Variants in ST8SIA4 observed in about 807,000 individuals in gnomAD.
ST8SIA4 encodes the protein ST8 alpha-N-acetyl-neuraminide alpha-2,8-sialyltransferase 4, also known as CMP-N-acetylneuraminate-poly-alpha-2,8-sialyltransferase.
In ST8SIA4, 15 loss-of-function variants were observed where a neutral mutation model predicts 33.9. That is an observed-to-expected ratio of 0.44 (90% CI 0.30 to 0.68). The LOEUF (loss-of-function observed/expected upper bound fraction) is 0.68. ST8SIA4 is among the 30% of genes least tolerant of loss of function. The pLI is 0.10. For synonymous variants in ST8SIA4, 171 were observed against 151.2 expected, an observed-to-expected ratio of 1.13 and a Z score of -0.96; for missense variants, 321 against 428.0, an observed-to-expected ratio of 0.75 and a Z score of 2.21.
intron 3 of ST8SIA4, among the ~76,000 whole-genome samples, chr5:100,883,297 A>C (rs944386584): frequency 1.2e-4 from 18 of 152,290 alleles, no homozygotes; most frequent in Non-Finnish European, 2.4e-4. Flanking sequence ...TTAGACTAGC[A>C]CAGGCCCTGT....
Position 100,903,034 on chromosome 5 carries a change from G to C in ST8SIA4, c.-79C>G. On this transcript the variant is annotated 5_prime_UTR_variant, in exon 1 of 5. Transcript: ENST00000231461. ...ATAAAGGCTCCGTTTTGGGGAGATA[G>C]TCGCGGGGGTGAAATCTGTAAAATG... The C allele has an allele frequency of 1.0e-6, 1 of 1,003,262 alleles. No homozygotes were observed. Among genetic ancestry groups the C allele is most frequent in the Non-Finnish European group, 1.6e-6 (1 of 638,626 alleles). 62.1% of individuals were successfully genotyped at this position (1,003,262 alleles called of 1,614,324 possible).
chr5:100,821,673 T>A (rs990272951), intron 4 of ST8SIA4, among the ~76,000 whole-genome samples: 1 of 152,138 alleles, frequency 6.6e-6, no homozygotes, highest in African/African-American at 2.4e-5. Flanking sequence ...GCTATCAAAG[T>A]ACACTAACTA....
chr5:100,835,414 A>T (rs1436157886), intron 4 of ST8SIA4, among the ~76,000 whole-genome samples: 1 of 152,166 alleles, frequency 6.6e-6, no homozygotes, highest in African/African-American at 2.4e-5. Flanking sequence ...CTAAATTTTT[A>T]AAAATCTTTT....
intron 3 of ST8SIA4, among the ~76,000 whole-genome samples, chr5:100,865,919 A>G (rs938061044): frequency 6.6e-6 from 1 of 152,150 alleles, no homozygotes; most frequent in African/African-American, 2.4e-5. Context: ...TCATCCATGC[A>G]CATTTACTAA....
Position 100,896,598 on chromosome 5 carries a change from A to AC in ST8SIA4, c.114-814dup, listed in dbSNP as rs539374629. On this transcript the variant is annotated intron_variant, in intron 1 of 4. Coordinates refer to ENST00000231461, the MANE Select transcript of ST8SIA4 (RefSeq NM_005668.6). ...TAAATGTTCACACTACAAAGAAGTGACATGCTTTTGAGGTGATGGATATGC... is the reference window on the plus strand; with the variant it reads ...TAAATGTTCACACTACAAAGAAGTGACCATGCTTTTGAGGTGATGGATATGC... Among the ~76,000 whole-genome samples, 12 of 152,282 alleles carry AC rather than the reference A, an allele frequency of 7.9e-5. No individual in the cohort carries two copies. In the East Asian group the frequency reaches 2.1e-3, roughly 27 times the overall value.
In ST8SIA4 at chr5:100,811,208, A is replaced by T. The variant is rs1020033208; in HGVS notation, c.*639T>A. On this transcript the variant is annotated 3_prime_UTR_variant, in exon 5 of 5. Transcript: ENST00000231461. ...AAGTCTTTGTGTGATAGCTTTTAAAAAGTATAAGAACTTTAAAAATAATTA... is the reference window on the plus strand; with the variant it reads ...AAGTCTTTGTGTGATAGCTTTTAAATAGTATAAGAACTTTAAAAATAATTA... The T allele has an allele frequency of 6.6e-6, 1 of 152,590 alleles. No homozygotes were observed. The highest frequency in any genetic ancestry group is 2.4e-5 in the African/African-American group (1 of 41,556). 9.5% of individuals were successfully genotyped at this position (152,590 alleles called of 1,614,324 possible).
chr5:100,846,537 T>C (rs2112428771), intron 4 of ST8SIA4, among the ~76,000 whole-genome samples: 1 of 151,906 alleles, frequency 6.6e-6, no homozygotes, highest in Non-Finnish European at 1.5e-5. Context: ...GAGAAGAGAA[T>C]ACAGAGAGCA....
intron 3 of ST8SIA4, among the ~76,000 whole-genome samples, chr5:100,884,782 C>A (rs993968447): frequency 2.0e-5 from 3 of 152,196 alleles, no homozygotes; most frequent in African/African-American, 4.8e-5. Context: ...TTGAGGACTA[C>A]TGCCATCAGG....
intron 1 of ST8SIA4, among the ~76,000 whole-genome samples, chr5:100,898,329 G>T (rs1561411062): frequency 6.6e-6 from 1 of 152,142 alleles, no homozygotes; most frequent in Non-Finnish European, 1.5e-5. Context: ...ATAATCTATA[G>T]ATGATTGCTT....
At chr5:100,897,238 T>C (rs950355094) in intron 1 of ST8SIA4, among the ~76,000 whole-genome samples, 1 of 152,154 alleles carries the variant, frequency 6.6e-6, no homozygotes, top group Non-Finnish European at 1.5e-5. Flanking sequence ...GTCAAGCTAG[T>C]ATATCATGTG....
intron 3 of ST8SIA4, among the ~76,000 whole-genome samples, chr5:100,880,547 G>A (rs1752395933): frequency 6.6e-6 from 1 of 152,156 alleles, no homozygotes; most frequent in Admixed American, 6.6e-5. Context: ...TATTGTTACT[G>A]GCAAGATATT....
chr5:100,821,584 A>G (rs1366763048), intron 4 of ST8SIA4, among the ~76,000 whole-genome samples: 1 of 152,212 alleles, frequency 6.6e-6, no homozygotes, highest in African/African-American at 2.4e-5. Context: ...CCTCCCAGAT[A>G]GTTGTGCTAA....
intron 1 of ST8SIA4, among the ~76,000 whole-genome samples, chr5:100,897,945 T>A (rs1369830225): frequency 6.6e-6 from 1 of 152,174 alleles, no homozygotes. Context: ...AATAAAAATG[T>A]GGTTATACAC....
intron 2 of ST8SIA4, among the ~76,000 whole-genome samples, chr5:100,893,491 A>G (rs1343304439): frequency 6.6e-6 from 1 of 152,174 alleles, no homozygotes; most frequent in Admixed American, 6.5e-5. Context: ...ATCAGCTATT[A>G]TAATTGAAAA....
rs371539683 is a variant in ST8SIA4 at position 100,878,199 on chromosome 5, T to A, written c.503+8144A>T. Among the ~76,000 whole-genome samples, 224 of 152,078 alleles carry A rather than the reference T, an allele frequency of 1.5e-3. 2 individuals are homozygous for A. Among genetic ancestry groups the A allele is most frequent in the Non-Finnish European group, 2.8e-3 (187 of 67,966 alleles). On this transcript the variant is annotated intron_variant, in intron 3 of 4. Transcript: ENST00000231461. ...AAGTGACAAAGATTTTTTTTTTTAA[T>A]GGAGTTTCGTTCTTGTTGCCTAGGC...
chr5:100,851,765 T>C (rs1751703557), intron 4 of ST8SIA4, among the ~76,000 whole-genome samples: 2 of 152,048 alleles, frequency 1.3e-5, no homozygotes. Flanking sequence ...TGTTTGTTTT[T>C]TTCCCATATT....
chr5:100,867,771 A>G (rs1752100580), intron 3 of ST8SIA4, among the ~76,000 whole-genome samples: 1 of 151,984 alleles, frequency 6.6e-6, no homozygotes, highest in South Asian at 2.1e-4. Context: ...CTTAGTATAT[A>G]TTATTTATTC....
At chr5:100,833,808 C>T (rs1751306535) in intron 4 of ST8SIA4, among the ~76,000 whole-genome samples, 1 of 151,922 alleles carries the variant, frequency 6.6e-6, no homozygotes, top group South Asian at 2.1e-4. Context: ...TTAATCAGTC[C>T]CCTAACTCAG....
intron 1 of ST8SIA4, among the ~76,000 whole-genome samples, chr5:100,897,835 G>A (rs1752813883): frequency 1.3e-5 from 2 of 152,114 alleles, no homozygotes; most frequent in Non-Finnish European, 2.9e-5. Context: ...TGCCTTACAG[G>A]GAGCATTTAG....
Sources: allele counts gnomAD v4.1 joint callset (sites outside exome capture counted in the v4.1 genomes callset), GRCh38; gene constraint gnomAD v4.1.1; transcripts MANE v1.5; gene names NCBI Gene and HGNC (gene_info 2026-07-23, HGNC 2026-07-21).